The following COBLL1 variants were observed in gnomAD, a reference collection of about 807,000 sequenced individuals.
The protein encoded by COBLL1 is cordon-bleu WH2 repeat protein like 1, also known as cordon-bleu protein-like 1.
Under a neutral mutation model 94.8 loss-of-function variants are expected in COBLL1, and 50 were observed. That is an observed-to-expected ratio of 0.53 (90% CI 0.42 to 0.67). The LOEUF (loss-of-function observed/expected upper bound fraction) is 0.67, where lower values mean the gene tolerates loss of function less well. COBLL1 is among the 30% of genes least tolerant of loss of function. The pLI, the probability that COBLL1 is intolerant of heterozygous loss-of-function variation, is 0.00. For missense variants in COBLL1, 1,362 were observed against 1,348.7 expected (o/e 1.01, Z -0.15); for synonymous variants, 448 against 473.8 (o/e 0.95, Z 0.71).
downstream of COBLL1, among the ~76,000 whole-genome samples, chr2:164,676,832 T>C (rs1008032936): frequency 2.6e-5 from 4 of 152,196 alleles, no homozygotes; most frequent in Non-Finnish European, 5.9e-5. Flanking sequence ...GCTCAAAACT[T>C]CATAGGATTA....
At chr2:164,698,517 C>T (rs1028017619) in intron 11 of COBLL1, among the ~76,000 whole-genome samples, 1 of 151,802 alleles carries the variant, frequency 6.6e-6, no homozygotes, top group South Asian at 2.1e-4. Flanking sequence ...ATAGATTGGA[C>T]TATGAGAATT....
intron 2 of COBLL1, among the ~76,000 whole-genome samples, chr2:164,818,329 CATATATGTAT>C (rs1258926696): frequency 1.2e-3 from 170 of 145,090 alleles, no homozygotes; most frequent in African/African-American, 4.1e-3. Context: ...TGTATGTATA[CATATATGTAT>C]ATATACATAT....
intron 3 of COBLL1, among the ~76,000 whole-genome samples, chr2:164,731,835 G>C (rs994520723): frequency 2.0e-5 from 3 of 152,174 alleles, no homozygotes; most frequent in Non-Finnish European, 4.4e-5. Flanking sequence ...TTATTTTAGT[G>C]CACCTGTTTT....
rs74961472 is a variant in COBLL1 at position 164,731,244 on chromosome 2, C to T, written c.231-1129G>A. On this transcript the variant is annotated intron_variant, in intron 3 of 13. Coordinates refer to ENST00000652658, the MANE Select transcript of COBLL1 (RefSeq NM_001365672.2). ...GCCCATGATAGAAAACGCTTATCAGCTCTTGTGCTAGAACATAAAATTGAA... is the reference window on the plus strand; with the variant it reads ...GCCCATGATAGAAAACGCTTATCAGTTCTTGTGCTAGAACATAAAATTGAA... Among the ~76,000 whole-genome samples, 862 of 152,266 alleles carry T rather than the reference C, an allele frequency of 5.7e-3. 9 individuals are homozygous for T. Among genetic ancestry groups the T allele is most frequent in the African/African-American group, 0.02 (810 of 41,536 alleles).
chr2:164,828,195 T>G (rs113478238), intron 2 of COBLL1, among the ~76,000 whole-genome samples: 1 of 152,170 alleles, frequency 6.6e-6, no homozygotes, highest in Non-Finnish European at 1.5e-5. Flanking sequence ...CAACACTGAC[T>G]TTTTGCTTGA....
chr2:164,829,021 A>G (rs1259925306), intron 2 of COBLL1, among the ~76,000 whole-genome samples: 1 of 152,074 alleles, frequency 6.6e-6, no homozygotes, highest in Non-Finnish European at 1.5e-5. Context: ...CCATTTTGTC[A>G]TTTTTCTCTT....
chr2:164,694,647 A>G lies in COBLL1; in HGVS notation c.2745T>C (p.Thr915=), dbSNP rs755227511. 3 of 1,613,692 alleles carry G rather than the reference A, an allele frequency of 1.9e-6. No individual in the cohort carries two copies. Among genetic ancestry groups the G allele is most frequent in the Middle Eastern group, 1.6e-4 (1 of 6,084 alleles). Residue 915 remains threonine (T), a synonymous_variant, in exon 12 of 14, where the codon ACT becomes ACC. Coordinates refer to ENST00000652658, the MANE Select transcript of COBLL1 (RefSeq NM_001365672.2). The part of the protein sequence containing the change: ...ERDMLPSPEQ[T]LSPLSKMPHS... ...GAGGCATTTTACTTAAGGGAGAAAG[A>G]GTCTGCTCCGGAGAAGGCAGCATAT...
At chr2:164,806,646 A>G (rs1024758546) in intron 2 of COBLL1, among the ~76,000 whole-genome samples, 4 of 152,010 alleles carry the variant, frequency 2.6e-5, no homozygotes, top group Admixed American at 6.6e-5. Flanking sequence ...TTTCTTCATA[A>G]TTTTCATTCT....
intron 3 of COBLL1, among the ~76,000 whole-genome samples, chr2:164,740,358 A>G (rs1686526783): frequency 6.6e-6 from 1 of 151,936 alleles, no homozygotes; most frequent in Non-Finnish European, 1.5e-5. Context: ...AACCCCATCT[A>G]AACAAACAAA....
At chr2:164,807,161 T>A (rs1236475545) in intron 2 of COBLL1, among the ~76,000 whole-genome samples, 2 of 152,116 alleles carry the variant, frequency 1.3e-5, no homozygotes, top group African/African-American at 2.4e-5. Context: ...AATGGCTACA[T>A]AGGACCAGGC....
At chr2:164,773,398 C>G (rs751291188) in intron 2 of COBLL1, among the ~76,000 whole-genome samples, 12 of 152,088 alleles carry the variant, frequency 7.9e-5, no homozygotes, top group Non-Finnish European at 1.6e-4. Context: ...TATATACACA[C>G]AGTTTAATGG....
intron 13 of COBLL1, among the ~76,000 whole-genome samples, chr2:164,686,298 G>A (rs1400199313): frequency 4.6e-5 from 7 of 151,850 alleles, no homozygotes; most frequent in Non-Finnish European, 7.4e-5. Context: ...CAAAGGACAA[G>A]AGCACAAACA....
intron 2 of COBLL1, among the ~76,000 whole-genome samples, chr2:164,789,500 C>A (rs569941308): frequency 6.6e-6 from 1 of 151,946 alleles, no homozygotes; most frequent in Non-Finnish European, 1.5e-5. Context: ...AAAGGAAGTG[C>A]AATGTTTTTG....
rs568037509 is a variant in COBLL1 at position 164,713,696 on chromosome 2, C to T, written c.996+8379G>A. On this transcript the variant is annotated intron_variant, in intron 7 of 13. Coordinates refer to ENST00000652658, the MANE Select transcript of COBLL1 (RefSeq NM_001365672.2). ...CGTCATCAAATATCAAGTCTTTTAC[C>T]TCTTTTTAGTAATGCAATACCTATG... is the stretch of plus-strand genomic sequence containing the variant. Among the ~76,000 whole-genome samples, 3 of 152,200 alleles carry T rather than the reference C, an allele frequency of 2.0e-5. No individual in the cohort carries two copies. In the South Asian group the frequency reaches 6.2e-4, roughly 32 times the overall value.
chr2:164,744,675 C>A (rs1020298556), intron 2 of COBLL1, among the ~76,000 whole-genome samples: 1 of 152,058 alleles, frequency 6.6e-6, no homozygotes, highest in Non-Finnish European at 1.5e-5. Flanking sequence ...GCAAGAAAGC[C>A]GCATGGTATG....
At chr2:164,717,337 T>G (rs1191529739) in intron 7 of COBLL1, among the ~76,000 whole-genome samples, 1 of 152,190 alleles carries the variant, frequency 6.6e-6, no homozygotes, top group African/African-American at 2.4e-5. Context: ...GCTATCATTT[T>G]CAATCACTAA....
chr2:164,687,726 G>GC (rs1364181324), intron 13 of COBLL1: 1 of 653,398 alleles, frequency 1.5e-6, no homozygotes, highest in African/African-American at 1.8e-5. Flanking sequence ...TGCAGCCATT[G>GC]CACACTGGGC....
intron 2 of COBLL1, among the ~76,000 whole-genome samples, chr2:164,828,643 A>G (rs1181046317): frequency 1.3e-5 from 2 of 152,250 alleles, no homozygotes; most frequent in Non-Finnish European, 2.9e-5. Context: ...TGCACTAACC[A>G]TACAGTAGCC....
intron 2 of COBLL1, among the ~76,000 whole-genome samples, chr2:164,658,857 A>T (rs1395426084): frequency 2.0e-5 from 3 of 152,256 alleles, no homozygotes; most frequent in East Asian, 3.9e-4. Context: ...ATTACCCCAT[A>T]CTAGGGGTCC....
Sources: gnomAD v4.1 joint callset for allele counts (sites outside exome capture counted in the v4.1 genomes callset) on GRCh38, gnomAD v4.1.1 for gene constraint, MANE v1.5 for transcripts, NCBI Gene and HGNC (gene_info 2026-07-23, HGNC 2026-07-21) for gene names.